REDIC1: variants seen among roughly 807,000 people sequenced by gnomAD.
REDIC1 encodes regulator of DNA class I crossover intermediates 1, also known as HEI10 Interacting Protein 1.
chr12:39,751,441 T>G, the REDIC1 span, among the ~76,000 whole-genome samples: 2 of 152,208 alleles, frequency 1.3e-5, no homozygotes, highest in Admixed American at 6.5e-5. Flanking sequence ...GGAACACTTT[T>G]ACACTGTTGG....
chr12:39,751,833 A>G, the REDIC1 span, among the ~76,000 whole-genome samples: 1 of 152,172 alleles, frequency 6.6e-6, no homozygotes, highest in South Asian at 2.1e-4. Context: ...GTTCTCACTC[A>G]TAGGTGGGAA....
chr12:39,633,853 C>T, the REDIC1 span, among the ~76,000 whole-genome samples: 1 of 152,166 alleles, frequency 6.6e-6, no homozygotes, highest in Non-Finnish European at 1.5e-5. Context: ...AGTCTCAGTT[C>T]ATTATCTACC....
At chr12:39,633,589 A>G in the REDIC1 span, among the ~76,000 whole-genome samples, 4 of 152,240 alleles carry the variant, frequency 2.6e-5, no homozygotes, top group Non-Finnish European at 5.9e-5. Flanking sequence ...TATGGGCTAT[A>G]GATAATTGTA....
the REDIC1 span, among the ~76,000 whole-genome samples, chr12:39,642,201 A>G: frequency 2.6e-5 from 4 of 151,766 alleles, no homozygotes; most frequent in African/African-American, 9.7e-5. Context: ...TTAGTTACAT[A>G]CTTCTGTTCT....
the REDIC1 span, among the ~76,000 whole-genome samples, chr12:39,769,058 C>T: frequency 3.9e-5 from 6 of 152,214 alleles, no homozygotes; most frequent in African/African-American, 1.2e-4. Flanking sequence ...AACCACTTCT[C>T]AGAAACTGAG....
chr12:39,864,664 G>A, the REDIC1 span: 3 of 1,474,036 alleles, frequency 2.0e-6, no homozygotes, highest in South Asian at 4.1e-5. Flanking sequence ...TGGATGCCCA[G>A]CAAGCTCCTA....
At chr12:39,712,755 G>C in the REDIC1 span, among the ~76,000 whole-genome samples, 1 of 143,294 alleles carries the variant, frequency 7.0e-6, no homozygotes, top group South Asian at 2.1e-4. Flanking sequence ...GTACACATAT[G>C]TGTATATACG....
the REDIC1 span, among the ~76,000 whole-genome samples, chr12:39,704,652 G>C: frequency 6.6e-6 from 1 of 152,088 alleles, no homozygotes; most frequent in Non-Finnish European, 1.5e-5. Context: ...ATTTACAATA[G>C]CAAAGACTTG....
At chr12:39,880,060 G>A in the REDIC1 span, among the ~76,000 whole-genome samples, 9 of 151,980 alleles carry the variant, frequency 5.9e-5, no homozygotes, top group African/African-American at 7.2e-5. Flanking sequence ...TCTCTCTCGC[G>A]CTTGCTCTTG....
chr12:39,882,736 A>G, the REDIC1 span, among the ~76,000 whole-genome samples: 316 of 152,142 alleles, frequency 2.1e-3, 2 homozygotes, highest in Non-Finnish European at 3.5e-3. Flanking sequence ...ACAAATCTCA[A>G]TCAGCACTCA....
the REDIC1 span, among the ~76,000 whole-genome samples, chr12:39,788,929 T>A: frequency 0.022 from 3,309 of 152,220 alleles, 118 homozygotes; most frequent in African/African-American, 0.076. Flanking sequence ...TCTTTTCTAA[T>A]ACGTATTTAA....
At chr12:39,851,479 G>T in the REDIC1 span, among the ~76,000 whole-genome samples, 1 of 152,262 alleles carries the variant, frequency 6.6e-6, no homozygotes, top group East Asian at 1.9e-4. Flanking sequence ...TTAGTGTAAA[G>T]GTTAGTGATT....
At chr12:39,894,094 T>C in the REDIC1 span, among the ~76,000 whole-genome samples, 1 of 152,190 alleles carries the variant, frequency 6.6e-6, no homozygotes, top group Non-Finnish European at 1.5e-5. Flanking sequence ...TTTGCAAACA[T>C]TTAGTAAACA....
chr12:39,691,836 A>G, the REDIC1 span, among the ~76,000 whole-genome samples: 3 of 152,034 alleles, frequency 2.0e-5, no homozygotes, highest in Non-Finnish European at 4.4e-5. Flanking sequence ...GCAAGTGTCT[A>G]TTCTGTTGCT....
chr12:39,835,927 G>A, the REDIC1 span, among the ~76,000 whole-genome samples: 1 of 152,126 alleles, frequency 6.6e-6, no homozygotes, highest in Non-Finnish European at 1.5e-5. Context: ...TTTAAGCTGA[G>A]CCTGGTTTTT....
chr12:39,883,291 C>T, the REDIC1 span, among the ~76,000 whole-genome samples: 1 of 152,026 alleles, frequency 6.6e-6, no homozygotes, highest in Non-Finnish European at 1.5e-5. Flanking sequence ...TACGCCTCAC[C>T]ACCATCACTC....
the REDIC1 span, among the ~76,000 whole-genome samples, chr12:39,723,244 CTG>C: frequency 6.6e-6 from 1 of 152,106 alleles, no homozygotes; most frequent in Non-Finnish European, 1.5e-5. Context: ...TAAACTATAA[CTG>C]TGAATATAAT....
chr12:39,860,945 T>C, the REDIC1 span, among the ~76,000 whole-genome samples: 1 of 152,196 alleles, frequency 6.6e-6, no homozygotes, highest in African/African-American at 2.4e-5. Flanking sequence ...AATTCTTCCA[T>C]GGATTTACGT....
At chr12:39,728,991 G>T in the REDIC1 span, among the ~76,000 whole-genome samples, 2 of 151,856 alleles carry the variant, frequency 1.3e-5, no homozygotes, top group Non-Finnish European at 1.5e-5. Context: ...GTATTTCTGT[G>T]GGATCAGTGG....
Sources: allele counts gnomAD v4.1 joint callset (sites outside exome capture counted in the v4.1 genomes callset), GRCh38; gene constraint gnomAD v4.1.1; transcripts MANE v1.5; gene names NCBI Gene and HGNC (gene_info 2026-07-23, HGNC 2026-07-21).